SPECC1: variants seen among roughly 807,000 people sequenced by gnomAD.
The protein encoded by SPECC1 is sperm antigen with calponin homology and coiled-coil domains 1, also known as cytospin-B.
Under a neutral mutation model 104.1 loss-of-function variants are expected in SPECC1, and 62 were observed. That is an observed-to-expected ratio of 0.60 (90% CI 0.49 to 0.74). The LOEUF (loss-of-function observed/expected upper bound fraction) is 0.74, where lower values mean the gene tolerates loss of function less well. SPECC1 is among the 30% of genes least tolerant of loss of function. The probability of loss-of-function intolerance (pLI) is 0.00; values close to 1 mark genes in which losing one functional copy is unlikely to be tolerated. For synonymous variants in SPECC1, 513 were observed against 501.6 expected, an observed-to-expected ratio of 1.02 and a Z score of -0.30; for missense variants, 1,306 against 1,310.5, an observed-to-expected ratio of 1.00 and a Z score of 0.05.
intron 1 of SPECC1, among the ~76,000 whole-genome samples, chr17:20,062,757 C>T (rs1033211630): frequency 6.6e-6 from 1 of 150,556 alleles, no homozygotes; most frequent in Non-Finnish European, 1.5e-5. Flanking sequence ...GGTGGGATCT[C>T]GGCTCACTGC....
At chr17:20,204,018 A>G (rs1428962869) in intron 3 of SPECC1, among the ~76,000 whole-genome samples, 1 of 152,172 alleles carries the variant, frequency 6.6e-6, no homozygotes, top group Non-Finnish European at 1.5e-5. Context: ...GTGGTGTTTA[A>G]TAGCTTGCCC....
At chr17:20,161,952 G>A (rs1455693782) in intron 3 of SPECC1, among the ~76,000 whole-genome samples, 1 of 151,638 alleles carries the variant, frequency 6.6e-6, no homozygotes, top group Non-Finnish European at 1.5e-5. Flanking sequence ...GTGCCACCAT[G>A]CCTGGCTAAT....
At chr17:20,213,145 T>C (rs1353515970) in intron 4 of SPECC1, among the ~76,000 whole-genome samples, 3 of 152,182 alleles carry the variant, frequency 2.0e-5, no homozygotes, top group Admixed American at 6.5e-5. Flanking sequence ...TTGCCCAGGC[T>C]GGAGTACAGT....
Position 20,178,848 on chromosome 17 carries a change from G to A in SPECC1, c.284-25485G>A, listed in dbSNP as rs937667494. ...AAAATGTTAGACTTCAGATTGAAAG[G>A]ACTCATGGAATTCTTTTTTAAAAGA... On this transcript the variant is annotated intron_variant, in intron 3 of 14. Coordinates refer to ENST00000395527, the MANE Select transcript of SPECC1 (RefSeq NM_001243439.2). Among the ~76,000 whole-genome samples the A allele has an allele frequency of 2.0e-5, 3 of 152,202 alleles. No homozygotes were observed. The South Asian group carries it at 6.2e-4, about 32-fold the overall frequency.
At chr17:20,241,408 C>A (rs754435277) in intron 7 of SPECC1, among the ~76,000 whole-genome samples, 7 of 152,132 alleles carry the variant, frequency 4.6e-5, no homozygotes, top group Non-Finnish European at 1.0e-4. Context: ...GCCAAAACGC[C>A]GTGCATCTCT....
At chr17:20,064,526 G>A (rs747277117) in intron 1 of SPECC1, among the ~76,000 whole-genome samples, 3 of 152,194 alleles carry the variant, frequency 2.0e-5, no homozygotes, top group Non-Finnish European at 4.4e-5. Context: ...GACGCTAGAA[G>A]CAGAGGGTGT....
intron 4 of SPECC1, among the ~76,000 whole-genome samples, chr17:20,219,504 C>T (rs1446603965): frequency 6.6e-6 from 1 of 152,074 alleles, no homozygotes; most frequent in Non-Finnish European, 1.5e-5. Context: ...ATCTTTTGCC[C>T]ACTGTTTAAT....
chr17:20,149,019 G>A (rs949954937), intron 3 of SPECC1, among the ~76,000 whole-genome samples: 8 of 149,784 alleles, frequency 5.3e-5, no homozygotes, highest in South Asian at 4.2e-4. Context: ...ACCACCCCTC[G>A]CCCAGCGGAT....
At chr17:20,146,205 A>G (rs1209751109) in intron 3 of SPECC1, among the ~76,000 whole-genome samples, 2 of 152,102 alleles carry the variant, frequency 1.3e-5, no homozygotes, top group Non-Finnish European at 2.9e-5. Flanking sequence ...CCTGTGCTCC[A>G]CCCGTTCATC....
Position 20,204,630 on chromosome 17 carries a change from A to G in SPECC1, c.581A>G (p.Tyr194Cys), listed in dbSNP as rs2151347579. Residue 194 changes from tyrosine (Y) to cysteine (C), a missense_variant, in exon 4 of 15, where the codon TAC (tyrosine) becomes TGC (cysteine). Transcript: ENST00000395527. ...INRLRSELKK[Y>C]KEKRTLNAEG... The stretch of plus-strand genomic sequence containing the variant: ...AGGCTTCGAAGTGAACTAAAGAAAT[A>G]CAAAGAGAAAAGGACTCTGAACGCT... The G allele has an allele frequency of 1.2e-6, 2 of 1,614,188 alleles. No homozygotes were observed. The highest frequency in any genetic ancestry group is 1.7e-6 in the Non-Finnish European group (2 of 1,180,038).
intron 1 of SPECC1, among the ~76,000 whole-genome samples, chr17:20,082,982 G>GTTCA (rs1185296042): frequency 8.6e-5 from 13 of 151,080 alleles, no homozygotes; most frequent in African/African-American, 3.2e-4. Flanking sequence ...TCGTTCGTTC[G>GTTCA]TTCGTTCGTT....
At chr17:20,076,555 G>A (rs149471295) in intron 1 of SPECC1, among the ~76,000 whole-genome samples, 98 of 152,302 alleles carry the variant, frequency 6.4e-4, no homozygotes, top group African/African-American at 2.0e-3. Context: ...TGGTCCATAA[G>A]TTATTTAACT....
At chr17:20,250,217 G>A (rs762226067) in intron 9 of SPECC1, among the ~76,000 whole-genome samples, 3 of 152,148 alleles carry the variant, frequency 2.0e-5, no homozygotes, top group Non-Finnish European at 2.9e-5. Context: ...TGCTGTACCT[G>A]GTGAAAATAC....
At chr17:20,138,597 A>G (rs1484470580) in intron 3 of SPECC1, among the ~76,000 whole-genome samples, 2 of 152,150 alleles carry the variant, frequency 1.3e-5, no homozygotes, top group East Asian at 1.9e-4. Context: ...CTTTCCTAGA[A>G]TGTCACATAG....
At chr17:20,139,249 G>T (rs1018454962) in intron 3 of SPECC1, among the ~76,000 whole-genome samples, 3 of 152,200 alleles carry the variant, frequency 2.0e-5, no homozygotes, top group Non-Finnish European at 2.9e-5. Flanking sequence ...AGAAGTCCTT[G>T]ATGATTCCCA....
intron 14 of SPECC1, among the ~76,000 whole-genome samples, chr17:20,309,153 C>G (rs1023630850): frequency 2.0e-5 from 3 of 152,110 alleles, no homozygotes; most frequent in African/African-American, 4.8e-5. Context: ...TTTCCACCAA[C>G]AAAATAGAAA....
Position 20,091,167 on chromosome 17 carries a change from C to A in SPECC1, c.-21-5464C>A, listed in dbSNP as rs143322601. ...TTTTCTTCTGATGCTGTATGGAAATCTGTTCTTTTCCTTATTTACTGGGAA... is the reference window on the plus strand; with the variant it reads ...TTTTCTTCTGATGCTGTATGGAAATATGTTCTTTTCCTTATTTACTGGGAA... On this transcript the variant is annotated intron_variant, in intron 1 of 14. Transcript: ENST00000395527. 2.3e-3 allele frequency among the ~76,000 whole-genome samples: 344 copies of A among 152,266 alleles called. 1 individual carries two copies. The highest frequency in any genetic ancestry group is 8.0e-3 in the African/African-American group (332 of 41,550).
chr17:20,298,921 A>AGAGAGAGAGAGAGAGAGAG lies in SPECC1; in HGVS notation c.3057+1844_3057+1845insGAGAGAGAGAGAGAGAGAG. Among the ~76,000 whole-genome samples, 3 of 72,792 alleles carry AGAGAGAGAGAGAGAGAGAG rather than the reference A, an allele frequency of 4.1e-5. No homozygotes were observed. The East Asian group carries it at 5.6e-3, about 137-fold the overall frequency. The allele number at this position is 72,792 out of a possible 152,430, so 47.8% of individuals were successfully genotyped here. A position where few individuals can be genotyped will look rare whatever the true frequency, so the allele number is the denominator to read the frequency against. ...GAATTCTCCAAAAAAGCAGAACCAA[A>AGAGAGAGAGAGAGAGAGAG]AGAGAGAGAGAGAGAGAGAGAGAGA... On this transcript the variant is annotated intron_variant, in intron 13 of 14. Coordinates refer to ENST00000395527, the MANE Select transcript of SPECC1 (RefSeq NM_001243439.2).
chr17:20,015,642 T>A (rs1358474550), intron 1 of SPECC1, among the ~76,000 whole-genome samples: 1 of 136,996 alleles, frequency 7.3e-6, no homozygotes, highest in Admixed American at 8.4e-5. Context: ...TGGAAGGCAA[T>A]GGCACTATCT....
Sources: allele counts gnomAD v4.1 joint callset (sites outside exome capture counted in the v4.1 genomes callset), GRCh38; gene constraint gnomAD v4.1.1; transcripts MANE v1.5; gene names NCBI Gene and HGNC (gene_info 2026-07-23, HGNC 2026-07-21).